Variants in TXNRD1 observed in about 807,000 individuals in gnomAD.
TXNRD1 encodes the protein thioredoxin reductase 1, also known as thioredoxin reductase 1, cytoplasmic.
TXNRD1 carries 57 observed loss-of-function variants against 80.3 expected under a neutral mutation model. The observed-to-expected ratio is 0.71, with a 90% CI of 0.57 to 0.89. The LOEUF (loss-of-function observed/expected upper bound fraction) is 0.89, where lower values mean the gene tolerates loss of function less well. Ranked by LOEUF, TXNRD1 falls within the 40% of genes least tolerant of loss-of-function variation. The pLI is 0.00. For synonymous variants in TXNRD1, 291 were observed against 285.2 expected, an observed-to-expected ratio of 1.02 and a Z score of -0.20; for missense variants, 730 against 803.0, an observed-to-expected ratio of 0.91 and a Z score of 1.10.
intron 13 of TXNRD1, among the ~76,000 whole-genome samples, chr12:104,328,682 C>T (rs1162953758): frequency 6.6e-6 from 1 of 150,868 alleles, no homozygotes; most frequent in African/African-American, 2.4e-5. Context: ...TGGCCTGAAC[C>T]CGGGAGGCGG....
chr12:104,226,456 G>C (rs903287248), intron 1 of TXNRD1, among the ~76,000 whole-genome samples: 2 of 152,136 alleles, frequency 1.3e-5, no homozygotes, highest in Non-Finnish European at 2.9e-5. Context: ...TATAATAACA[G>C]TGTAGCCTCT....
intron 1 of TXNRD1, among the ~76,000 whole-genome samples, chr12:104,217,800 A>G (rs1359708733): frequency 6.6e-6 from 1 of 151,996 alleles, no homozygotes; most frequent in Non-Finnish European, 1.5e-5. Context: ...AAATTTGGCT[A>G]CTTTAGATTG....
intron 3 of TXNRD1, among the ~76,000 whole-genome samples, chr12:104,263,018 T>C (rs2135714737): frequency 6.6e-6 from 1 of 152,302 alleles, no homozygotes; most frequent in Non-Finnish European, 1.5e-5. Context: ...CTACATAAAT[T>C]AAGGTTATTA....
At chr12:104,333,789 A>AG (rs2036042167) in intron 14 of TXNRD1, among the ~76,000 whole-genome samples, 1 of 152,076 alleles carries the variant, frequency 6.6e-6, no homozygotes. Context: ...ATGCCAAAGG[A>AG]GGAAATGTCT....
intron 3 of TXNRD1, among the ~76,000 whole-genome samples, chr12:104,277,094 T>C (rs2033771555): frequency 6.6e-6 from 1 of 151,342 alleles, no homozygotes; most frequent in Non-Finnish European, 1.5e-5. Flanking sequence ...CAAAACATTT[T>C]TTTAAATGAA....
intron 1 of TXNRD1, among the ~76,000 whole-genome samples, chr12:104,236,943 C>T (rs2032751087): frequency 6.6e-6 from 1 of 151,398 alleles, no homozygotes; most frequent in South Asian, 2.1e-4. Flanking sequence ...TTTGTCTTAC[C>T]ACTCTTAATG....
At position 104,328,480 on chromosome 12, in the gene TXNRD1, G is replaced by T. The variant is rs138053885; in HGVS notation, c.1542+809G>T. ...TAGAAAATATCTGTCTTAGAGGCCA[G>T]GTGCGTTGGCTCATGCCTGTAATCC... is the stretch of plus-strand genomic sequence containing the variant. On this transcript the variant is annotated intron_variant, in intron 13 of 16. Transcript: ENST00000525566. 1.2e-3 allele frequency among the ~76,000 whole-genome samples: 181 copies of T among 152,298 alleles called. 1 individual carries two copies. The highest frequency in any genetic ancestry group is 3.8e-3 in the African/African-American group (156 of 41,564).
Position 104,304,517 on chromosome 12 carries a change from A to G in TXNRD1, c.415-6773A>G, listed in dbSNP as rs750721767. 9.3e-6 allele frequency: 15 copies of G among 1,613,916 alleles called. No individual in the cohort carries two copies. The East Asian group carries it at 2.2e-4, about 24-fold the overall frequency. On this transcript the variant is annotated intron_variant, in intron 4 of 16. Transcript: ENST00000525566. ...TGAACACCAGAAAAAAGTTCGCAAG[A>G]TGGAAGAAAATGGCAACATGCCTAC...
chr12:104,277,017 G>T (rs536258464), intron 3 of TXNRD1, among the ~76,000 whole-genome samples: 1 of 152,272 alleles, frequency 6.6e-6, no homozygotes, highest in African/African-American at 2.4e-5. Context: ...GGAGGCTGAG[G>T]TGAGAGGACT....
intron 15 of TXNRD1, among the ~76,000 whole-genome samples, chr12:104,337,027 T>C (rs1298491574): frequency 6.6e-6 from 1 of 152,074 alleles, no homozygotes; most frequent in East Asian, 1.9e-4. Context: ...CGTTCTTATG[T>C]TTGCCACCTA....
intron 14 of TXNRD1, among the ~76,000 whole-genome samples, 158 bp downstream of exon 14, chr12:104,331,799 C>T (rs10778322): frequency 0.33 from 50,638 of 151,846 alleles, 8,666 homozygotes; most frequent in African/African-American, 0.39. Flanking sequence ...ATTTTATACA[C>T]TTTTAGTAGT....
chr12:104,291,162 C>A (rs1593762870), intron 4 of TXNRD1: 3 of 503,902 alleles, frequency 6.0e-6, no homozygotes, highest in South Asian at 2.4e-5. Context: ...AATCATTTAG[C>A]ATATTTCTTA....
chr12:104,304,526 AATGGCAAC>A lies in TXNRD1; in HGVS notation c.415-6760_415-6753del, dbSNP rs761144253. 1.9e-6 allele frequency: 3 copies of A among 1,613,908 alleles called. No individual in the cohort carries two copies. The African/African-American group carries it at 4.0e-5, about 22-fold the overall frequency. Reference sequence around the variant, plus strand: ...GAAAAAAGTTCGCAAGATGGAAGAAAATGGCAACATGCCTACAAAGTTGCAGAAGTTGG... The same window carrying A: ...GAAAAAAGTTCGCAAGATGGAAGAAAATGCCTACAAAGTTGCAGAAGTTGG... On this transcript the variant is annotated intron_variant, in intron 4 of 16. Coordinates refer to ENST00000525566, the MANE Select transcript of TXNRD1 (RefSeq NM_001093771.3).
chr12:104,322,610 C>T (rs1267888950), intron 10 of TXNRD1, among the ~76,000 whole-genome samples: 12 of 152,054 alleles, frequency 7.9e-5, no homozygotes, highest in African/African-American at 2.9e-4. Flanking sequence ...GAACTCCTGA[C>T]CTCAAGTGGT....
intron 13 of TXNRD1, among the ~76,000 whole-genome samples, chr12:104,328,271 A>G (rs893827705): frequency 6.6e-6 from 1 of 152,142 alleles, no homozygotes; most frequent in Non-Finnish European, 1.5e-5. Flanking sequence ...TGAATAGTGT[A>G]CTTTATATCC....
chr12:104,319,554 A>C lies in TXNRD1; in HGVS notation c.958A>C (p.Ile320Leu). 6.2e-7 allele frequency: 1 copy of C among 1,604,658 alleles called. No individual in the cohort carries two copies. The highest frequency in any genetic ancestry group is 8.5e-7 in the Non-Finnish European group (1 of 1,175,388). The change falls in exon 9 of 17, where the codon ATC becomes CTC. Residue 320 changes from isoleucine (I) to leucine (L), a missense_variant. By Grantham distance (5) the Ile-to-Leu change is conservative. Coordinates refer to ENST00000525566, the MANE Select transcript of TXNRD1 (RefSeq NM_001093771.3). Reference sequence around the variant, plus strand: ...TGGTGAAAGACCACGTTACTTGGGCATCCCTGGTGACAAAGAATACTGCAT... The same window carrying C: ...TGGTGAAAGACCACGTTACTTGGGCCTCCCTGGTGACAAAGAATACTGCAT... Reference protein sequence around the residue: ...ATGERPRYLGIPGDKEYCISS... With the variant: ...ATGERPRYLGLPGDKEYCISS...
chr12:104,307,999 CTT>C (rs11300166), intron 4 of TXNRD1, among the ~76,000 whole-genome samples: 26 of 143,200 alleles, frequency 1.8e-4, no homozygotes, highest in African/African-American at 1.8e-4. Flanking sequence ...CCTTTTCTTT[CTT>C]TTTTTTTTTT....
chr12:104,255,747 C>T (rs758536586), intron 2 of TXNRD1, among the ~76,000 whole-genome samples: 10 of 152,078 alleles, frequency 6.6e-5, no homozygotes, highest in Non-Finnish European at 1.0e-4. Context: ...GAGCCAAGAT[C>T]GCACCATTGC....
chr12:104,237,592 A>C (rs1294522229), intron 1 of TXNRD1, among the ~76,000 whole-genome samples: 1 of 152,266 alleles, frequency 6.6e-6, no homozygotes, highest in East Asian at 1.9e-4. Context: ...TTCACCCTAA[A>C]GCCAGTAATA....
Sources: allele counts gnomAD v4.1 joint callset (sites outside exome capture counted in the v4.1 genomes callset), GRCh38; gene constraint gnomAD v4.1.1; transcripts MANE v1.5; gene names NCBI Gene and HGNC (gene_info 2026-07-23, HGNC 2026-07-21).